Variants in RAD54L observed in about 807,000 individuals in gnomAD.
RAD54L encodes the protein DNA repair and recombination protein RAD54-like.
Under a neutral mutation model 91.6 loss-of-function variants are expected in RAD54L, and 74 were observed. That is an observed-to-expected ratio of 0.81 (90% CI 0.67 to 0.98). The LOEUF is 0.98. RAD54L is among the 50% of genes least tolerant of loss of function. The pLI, the probability that RAD54L is intolerant of heterozygous loss-of-function variation, is 0.00. For synonymous variants in RAD54L, 304 were observed against 349.7 expected (o/e 0.87, Z 1.46); for missense variants, 887 against 945.7 (o/e 0.94, Z 0.81).
rs373053442 is a variant in RAD54L, at chr1:46,258,766, G to C, written c.271+20G>C. 1 of 1,557,732 alleles carries C rather than the reference G, an allele frequency of 6.4e-7. No individual in the cohort carries two copies. The highest frequency in any genetic ancestry group is 8.9e-7 in the Non-Finnish European group (1 of 1,128,826). ...ATCAAGGTAAAATGGAGGTTTTTCTGTTTTTGAAATCAGTCATATGTACGT... is the reference window on the plus strand; with the variant it reads ...ATCAAGGTAAAATGGAGGTTTTTCTCTTTTTGAAATCAGTCATATGTACGT... On this transcript the variant is annotated intron_variant, in intron 4 of 17. Coordinates refer to ENST00000371975, the MANE Select transcript of RAD54L (RefSeq NM_003579.4).
At chr1:46,267,644 G>A in intron 9 of RAD54L, 35 bp downstream of exon 9, 1 of 1,573,814 alleles carries the variant, frequency 6.4e-7, no homozygotes. Flanking sequence ...CATCAGAGAG[G>A]AGCCCTGCCT....
intron 3 of RAD54L, among the ~76,000 whole-genome samples, chr1:46,257,957 G>C (rs1425000661): frequency 6.6e-6 from 1 of 152,160 alleles, no homozygotes; most frequent in East Asian, 1.9e-4. Flanking sequence ...ACAGCTGTTA[G>C]GATTAAATGG....
chr1:46,264,382 C>T (rs908959583), intron 8 of RAD54L, among the ~76,000 whole-genome samples: 9 of 152,182 alleles, frequency 5.9e-5, no homozygotes, highest in African/African-American at 1.9e-4. Context: ...CCCACAGCAT[C>T]TTCCTCCCAG....
chr1:46,261,195 G>GTTTTTTTTTTT lies in RAD54L; in HGVS notation c.767-58_767-57insTTTTTTTTTTT, dbSNP rs1277499745. ...GGCTAAATTAAAGAACTGTCTAATT[G>GTTTTTTTTTTT]TTTTTTTTGTTTTTTTTTTTTTCAA... On this transcript the variant is annotated intron_variant, in intron 7 of 17. Coordinates refer to ENST00000371975, the MANE Select transcript of RAD54L (RefSeq NM_003579.4). The GTTTTTTTTTTT allele has an allele frequency of 1.4e-5, 22 of 1,555,068 alleles. No individual in the cohort carries two copies. The African/African-American group carries it at 1.7e-4, about 12-fold the overall frequency.
rs1031166194 is a variant in RAD54L, at chr1:46,247,987, C to CT, written c.-416dup. ...TCGCCCTCCCCACCCGGGCCTCGGA[C>CT]TTTCACCCCAGCTTCTCTCTCCTGG... On this transcript the variant is annotated 5_prime_UTR_variant, in exon 1 of 18. Transcript: ENST00000371975. 34 of 300,578 alleles carry CT rather than the reference C, an allele frequency of 1.1e-4. No homozygotes were observed. The Middle Eastern group carries it at 3.5e-3, about 31-fold the overall frequency. 18.6% of individuals were successfully genotyped at this position (300,578 alleles called of 1,614,324 possible).
chr1:46,253,519 G>C (rs554806856), intron 3 of RAD54L, among the ~76,000 whole-genome samples: 1 of 151,948 alleles, frequency 6.6e-6, no homozygotes, highest in Non-Finnish European at 1.5e-5. Context: ...TACTCGAGAG[G>C]CTGAGGAATG....
intron 10 of RAD54L, 121 bp from the exon 11 acceptor site, chr1:46,272,345 G>T: frequency 1.1e-6 from 1 of 941,346 alleles, no homozygotes; most frequent in Non-Finnish European, 1.7e-6. Flanking sequence ...GCCTGGCCGA[G>T]TCTCTGACAT....
At chr1:46,267,360 G>C (rs1047414526) in intron 8 of RAD54L, 99 bp from the exon 9 acceptor site, 8 of 1,538,118 alleles carry the variant, frequency 5.2e-6, no homozygotes, top group Non-Finnish European at 7.2e-6. Flanking sequence ...CACGGCGCCC[G>C]GCCTGGAATG....
Position 46,250,078 on chromosome 1 carries a change from C to A in RAD54L, c.169C>A (p.Gln57Lys), listed in dbSNP as rs2148276123. Reference sequence around the variant, plus strand: ...GTCTCCTTTTCGGAAACCTTTGAGTCAGCTAACCAATCAACCACCTTGTCT... The same window carrying A: ...GTCTCCTTTTCGGAAACCTTTGAGTAAGCTAACCAATCAACCACCTTGTCT... ...FLSPFRKPLS[Q>K]LTNQPPCLDS... Residue 57 changes from glutamine to lysine, a missense_variant, in exon 3 of 18, where the codon CAG becomes AAG. Coordinates refer to ENST00000371975, the MANE Select transcript of RAD54L (RefSeq NM_003579.4). The A allele has an allele frequency of 6.2e-7, 1 of 1,614,180 alleles. No individual in the cohort carries two copies. The highest frequency in any genetic ancestry group is 8.5e-7 in the Non-Finnish European group (1 of 1,180,034).
rs1013996641 is a variant in RAD54L at position 46,248,094 on chromosome 1, C to A, written c.-312C>A. ...TTCACCCGGACTGGGACCATCATCC[C>A]CACTCCACTCCGCCCAGTCTGGGAC... On this transcript the variant is annotated 5_prime_UTR_variant, in exon 1 of 18. Coordinates refer to ENST00000371975, the MANE Select transcript of RAD54L (RefSeq NM_003579.4). 1 of 480,862 alleles carries A rather than the reference C, an allele frequency of 2.1e-6. No homozygotes were observed. Among genetic ancestry groups the A allele is most frequent in the African/African-American group, 2.0e-5 (1 of 50,546 alleles). The allele number at this position is 480,862 out of a possible 1,614,324, so 29.8% of individuals were successfully genotyped here.
chr1:46,249,977 C>T, intron 2 of RAD54L, 23 bp from the exon 3 acceptor site: 4 of 1,613,164 alleles, frequency 2.5e-6, no homozygotes, highest in Non-Finnish European at 3.4e-6. Context: ...CTAGACTTCA[C>T]CTTTCCCAAT....
At position 46,277,917 on chromosome 1, in the gene RAD54L, C is replaced by T; in HGVS notation, c.1970C>T (p.Ser657Phe). Reference sequence around the variant, plus strand: ...GAGCAGGATGTAGAGCGCCACTTCTCTCTGGGCGAGTTGAAGGAGCTGTTT... The same window carrying T: ...GAGCAGGATGTAGAGCGCCACTTCTTTCTGGGCGAGTTGAAGGAGCTGTTT... ...DEEQDVERHF[S>F]LGELKELFIL... is the part of the protein sequence containing the mutation. Residue 657 changes from serine (S) to phenylalanine (F), a missense_variant, in exon 17 of 18, where the codon TCT becomes TTT. By Grantham distance (155) the Ser-to-Phe change is radical. Coordinates refer to ENST00000371975, the MANE Select transcript of RAD54L (RefSeq NM_003579.4). 6.2e-7 allele frequency: 1 copy of T among 1,614,120 alleles called. No individual in the cohort carries two copies. Among genetic ancestry groups the T allele is most frequent in the Non-Finnish European group, 8.5e-7 (1 of 1,180,026 alleles).
intron 16 of RAD54L, among the ~76,000 whole-genome samples, chr1:46,275,942 G>A (rs1660581226): frequency 6.7e-6 from 1 of 148,532 alleles, no homozygotes; most frequent in Admixed American, 6.9e-5. Context: ...TGACAGAACA[G>A]GATCCCGTCT....
Position 46,277,975 on chromosome 1 carries a change from T to C in RAD54L, c.2028T>C (p.His676=), listed in dbSNP as rs2148308191. 3.7e-6 allele frequency: 6 copies of C among 1,614,056 alleles called. No homozygotes were observed. The highest frequency in any genetic ancestry group is 5.1e-6 in the Non-Finnish European group (6 of 1,179,994). Residue 676 remains histidine, a synonymous_variant, in exon 17 of 18, where the codon CAT becomes CAC. Coordinates refer to ENST00000371975, the MANE Select transcript of RAD54L (RefSeq NM_003579.4). ...ATGAAGCTAGCCTCAGTGACACACA[T>C]GACAGGTGGGGAAGTGCCCTAACCA... ...ILDEASLSDT[H]DRLHCRRCVN...
At chr1:46,274,301 GA>G in intron 15 of RAD54L, 85 bp downstream of exon 15, 3 of 1,399,942 alleles carry the variant, frequency 2.1e-6, no homozygotes, top group Non-Finnish European at 2.0e-6. Flanking sequence ...GGGTTACCTT[GA>G]TTTTTTTTTT....
Position 46,274,166 on chromosome 1 carries a change from A to T in RAD54L, c.1639A>T (p.Met547Leu). 6.2e-7 allele frequency: 1 copy of T among 1,613,880 alleles called. No individual in the cohort carries two copies. The highest frequency in any genetic ancestry group is 8.5e-7 in the Non-Finnish European group (1 of 1,179,850). ...RYLYVRLDGT[M>L]SIKKRAKVVE... ...CTTATACGTCCGCCTGGATGGCACG[A>T]TGTCCATTAAGAAGCGAGCCAAGGT... The change falls in exon 15 of 18, where the codon ATG becomes TTG. Residue 547 changes from methionine to leucine, a missense_variant. Coordinates refer to ENST00000371975, the MANE Select transcript of RAD54L (RefSeq NM_003579.4).
intron 3 of RAD54L, among the ~76,000 whole-genome samples, chr1:46,253,422 C>T (rs1343302362): frequency 6.6e-6 from 1 of 152,120 alleles, no homozygotes; most frequent in East Asian, 1.9e-4. Flanking sequence ...AGATTGAGAC[C>T]ATCCTGGCTA....
chr1:46,270,736 A>G lies in RAD54L; in HGVS notation c.1120A>G (p.Arg374Gly), dbSNP rs1660400565. The change falls in exon 10 of 18, where the codon AGG becomes GGG. Residue 374 changes from arginine to glycine, a missense_variant. Physicochemically the swap from Arg to Gly is moderately radical, Grantham distance 125. Transcript: ENST00000371975. Reference protein sequence around the residue: ...GRDAAASEADRQLGEERLREL... With the variant: ...GRDAAASEADGQLGEERLREL... ...AGACGCTGCTGCTAGTGAGGCAGAC[A>G]GGCAGCTAGGAGAGGAGCGGCTGCG... The G allele has an allele frequency of 6.2e-7, 1 of 1,614,256 alleles. No homozygotes were observed. Among genetic ancestry groups the G allele is most frequent in the Non-Finnish European group, 8.5e-7 (1 of 1,180,040 alleles).
Position 46,278,238 on chromosome 1 carries a change from G to C in RAD54L, c.2200G>C (p.Val734Leu). ...TGCTGCCTCCACTGCCATCACCTTC[G>C]TCTTCCACCAGCGTTCTCATGAGGA... ...WDAASTAITF[V>L]FHQRSHEEQR... Residue 734 changes from valine to leucine, a missense_variant, in exon 18 of 18, where the codon GTC (valine) becomes CTC (leucine). Coordinates refer to ENST00000371975, the MANE Select transcript of RAD54L (RefSeq NM_003579.4). 1 of 1,613,836 alleles carries C rather than the reference G, an allele frequency of 6.2e-7. No individual in the cohort carries two copies. Among genetic ancestry groups the C allele is most frequent in the African/African-American group, 1.3e-5 (1 of 75,010 alleles).
Sources: allele counts gnomAD v4.1 joint callset (sites outside exome capture counted in the v4.1 genomes callset), GRCh38; gene constraint gnomAD v4.1.1; transcripts MANE v1.5; gene names NCBI Gene and HGNC (gene_info 2026-07-23, HGNC 2026-07-21).